PCNX1: variants seen among roughly 807,000 people sequenced by gnomAD.
PCNX1 encodes the protein pecanex 1.
A neutral mutation model predicts 242.2 loss-of-function variants in PCNX1; 78 were observed. That is an observed-to-expected ratio of 0.32 (90% CI 0.27 to 0.39). The LOEUF (loss-of-function observed/expected upper bound fraction) is 0.39, where lower values mean the gene tolerates loss of function less well. PCNX1 is among the 10% of genes least tolerant of loss of function. The pLI, the probability that PCNX1 is intolerant of heterozygous loss-of-function variation, is 1.00. For missense variants in PCNX1, 2,581 were observed against 2,856.5 expected (o/e 0.90, Z 2.20); for synonymous variants, 1,024 against 1,032.9 (o/e 0.99, Z 0.17).
chr14:70,920,698 C>T (rs2056343466), intron 1 of PCNX1, among the ~76,000 whole-genome samples: 1 of 152,090 alleles, frequency 6.6e-6, no homozygotes, highest in Non-Finnish European at 1.5e-5. Flanking sequence ...CTGTATAATG[C>T]TGTTTTTACT....
At chr14:70,962,427 A>C (rs1595064605) in intron 3 of PCNX1, 96 bp downstream of exon 3, 1 of 670,926 alleles carries the variant, frequency 1.5e-6, no homozygotes. Context: ...GTTTTGTCAT[A>C]TCTTTCTGAT....
intron 8 of PCNX1, among the ~76,000 whole-genome samples, chr14:70,996,263 C>CTT (rs1212057661): frequency 6.6e-6 from 1 of 151,948 alleles, no homozygotes; most frequent in Admixed American, 6.6e-5. Flanking sequence ...TCTTACTAAA[C>CTT]TTTAATTTCT....
chr14:70,968,375 TTATC>T (rs1268566158), intron 4 of PCNX1, 132 bp downstream of exon 4: 2 of 569,096 alleles, frequency 3.5e-6, no homozygotes, highest in Non-Finnish European at 6.0e-6. Context: ...ATAAAATTAT[TTATC>T]TTATTAAAGG....
intron 5 of PCNX1, among the ~76,000 whole-genome samples, chr14:70,971,868 A>G (rs61988740): frequency 0.014 from 2,168 of 152,296 alleles, 24 homozygotes; most frequent in Middle Eastern, 0.034. Context: ...GGCTCAGAGT[A>G]AGTGAAGGGC....
intron 28 of PCNX1, chr14:71,078,858 A>G (rs1456227467): frequency 6.6e-6 from 1 of 151,878 alleles, no homozygotes; most frequent in African/African-American, 2.4e-5. Context: ...TTCTTTTTTA[A>G]TTATTATTAT....
intron 11 of PCNX1, among the ~76,000 whole-genome samples, chr14:71,017,963 A>G (rs573157380): frequency 6.6e-6 from 1 of 152,366 alleles, no homozygotes; most frequent in Admixed American, 6.5e-5. Flanking sequence ...TTATGATTAT[A>G]AAAGTAATTC....
In PCNX1 at chr14:70,946,903, T is replaced by C. The variant is rs773177140; in HGVS notation, c.154-12T>C. The C allele has an allele frequency of 1.2e-5, 19 of 1,545,014 alleles. No individual in the cohort carries two copies. The highest frequency in any genetic ancestry group is 1.5e-5 in the Non-Finnish European group (17 of 1,119,640). The stretch of plus-strand genomic sequence containing the variant: ...TTTTAAAATGTATTTCCTTATTTTC[T>C]TTCTCTTAAAGGCCCTTCCTTCTAC... On this transcript the variant is annotated splice_polypyrimidine_tract_variant and intron_variant, in intron 1 of 35. Coordinates refer to ENST00000304743, the MANE Select transcript of PCNX1 (RefSeq NM_014982.3).
intron 1 of PCNX1, among the ~76,000 whole-genome samples, chr14:70,941,486 C>G (rs769026065): frequency 1.3e-5 from 2 of 152,192 alleles, no homozygotes; most frequent in Non-Finnish European, 2.9e-5. Context: ...GATCCTTCCT[C>G]TGGAAGCTTC....
At chr14:70,954,589 A>G (rs917407224) in intron 2 of PCNX1, among the ~76,000 whole-genome samples, 1 of 152,184 alleles carries the variant, frequency 6.6e-6, no homozygotes, top group Non-Finnish European at 1.5e-5. Context: ...AAGGAAATTT[A>G]TGATTTTATA....
At chr14:70,953,723 G>T (rs751251053) in intron 2 of PCNX1, among the ~76,000 whole-genome samples, 41 of 145,390 alleles carry the variant, frequency 2.8e-4, no homozygotes, top group Non-Finnish European at 5.2e-4. Context: ...AAGCTGGAGT[G>T]CAGTGGCACA....
Position 71,047,897 on chromosome 14 carries a change from T to C in PCNX1, c.4251T>C (p.Phe1417=), listed in dbSNP as rs373703354. 2 of 1,612,560 alleles carry C rather than the reference T, an allele frequency of 1.2e-6. No homozygotes were observed. The highest frequency in any genetic ancestry group is 1.7e-6 in the Non-Finnish European group (2 of 1,178,784). Residue 1417 remains phenylalanine, a synonymous_variant, in exon 22 of 36, where the codon TTT becomes TTC. Coordinates refer to ENST00000304743, the MANE Select transcript of PCNX1 (RefSeq NM_014982.3). ...CATATCAGTATGTTACAGTCATCTT[T>C]ACTGTGCTGTTTTTCAAATTTGACT... ...SPTYQYVTVI[F]TVLFFKFDYE...
chr14:70,973,340 G>T (rs2058597251), intron 5 of PCNX1, among the ~76,000 whole-genome samples: 1 of 151,994 alleles, frequency 6.6e-6, no homozygotes, highest in Non-Finnish European at 1.5e-5. Context: ...GACTGAGTAG[G>T]AACAACTAGT....
chr14:71,047,253 AC>A (rs1307495316), intron 21 of PCNX1, 148 bp downstream of exon 21: 9 of 463,232 alleles, frequency 1.9e-5, no homozygotes, highest in Non-Finnish European at 3.3e-5. Context: ...TCCTTGACTT[AC>A]CTTTTTTAAA....
chr14:70,975,089 A>G (rs1432046874), intron 5 of PCNX1, among the ~76,000 whole-genome samples: 3 of 152,200 alleles, frequency 2.0e-5, no homozygotes, highest in Non-Finnish European at 2.9e-5. Flanking sequence ...TAGCATTAAA[A>G]AAACCTTTTG....
chr14:71,010,584 T>C (rs146324620), intron 9 of PCNX1, among the ~76,000 whole-genome samples: 7 of 152,206 alleles, frequency 4.6e-5, no homozygotes, highest in African/African-American at 1.7e-4. Flanking sequence ...CTTGATCATA[T>C]AACATCAATT....
chr14:70,919,453 C>T (rs369831988), intron 1 of PCNX1, among the ~76,000 whole-genome samples: 1 of 151,976 alleles, frequency 6.6e-6, no homozygotes, highest in African/African-American at 2.4e-5. Context: ...AAATGATTTT[C>T]CTGTGTCTCT....
At chr14:70,928,891 T>C (rs2056686001) in intron 1 of PCNX1, among the ~76,000 whole-genome samples, 1 of 152,210 alleles carries the variant, frequency 6.6e-6, no homozygotes. Context: ...TTAAAACCGT[T>C]ACACTTTTGG....
chr14:70,954,009 A>G (rs2057895974), intron 2 of PCNX1, among the ~76,000 whole-genome samples: 1 of 152,140 alleles, frequency 6.6e-6, no homozygotes, highest in African/African-American at 2.4e-5. Flanking sequence ...GAGATCAGAA[A>G]GGTATTCTGT....
chr14:70,920,461 T>C (rs1222100290), intron 1 of PCNX1, among the ~76,000 whole-genome samples: 1 of 152,218 alleles, frequency 6.6e-6, no homozygotes, highest in Non-Finnish European at 1.5e-5. Flanking sequence ...GAGAAAAATT[T>C]GCAAAAGGTT....
Sources: allele counts gnomAD v4.1 joint callset (sites outside exome capture counted in the v4.1 genomes callset), GRCh38; gene constraint gnomAD v4.1.1; transcripts MANE v1.5; gene names NCBI Gene and HGNC (gene_info 2026-07-23, HGNC 2026-07-21).